SALL3: variants seen among roughly 807,000 people sequenced by gnomAD.
The protein encoded by SALL3 is sal-like protein 3.
A neutral mutation model predicts 66.2 loss-of-function variants in SALL3; 25 were observed. The observed-to-expected ratio is 0.38, with a 90% CI of 0.28 to 0.53. The LOEUF (loss-of-function observed/expected upper bound fraction) is 0.53, where lower values mean the gene tolerates loss of function less well. Ranked by LOEUF, SALL3 falls within the 20% of genes least tolerant of loss-of-function variation. The pLI is 0.85. For synonymous variants in SALL3, 1,152 were observed against 899.1 expected, an observed-to-expected ratio of 1.28 and a Z score of -5.03; for missense variants, 2,194 against 1,916.5, an observed-to-expected ratio of 1.14 and a Z score of -2.70.
At position 78,993,225 on chromosome 18, in the gene SALL3, A is replaced by G. The variant is rs144244101; in HGVS notation, c.1234A>G (p.Ser412Gly). The change falls in exon 2 of 3, where the codon AGC (serine) becomes GGC (glycine). Residue 412 changes from serine to glycine, a missense_variant. Coordinates refer to ENST00000537592, the MANE Select transcript of SALL3 (RefSeq NM_171999.4). The stretch of plus-strand genomic sequence containing the variant: ...TGTGTCGGTGTTCGAGCCCAAAGCC[A>G]GCGCCGAGGACCCGTTCTTCAAGCA... Reference protein sequence around the residue: ...PNVSVFEPKASAEDPFFKHKC... With the variant: ...PNVSVFEPKAGAEDPFFKHKC... The G allele has an allele frequency of 4.2e-5, 67 of 1,611,360 alleles. No homozygotes were observed. In the African/African-American group the frequency reaches 8.1e-4, roughly 20 times the overall value.
chr18:78,994,357 A>G lies in SALL3; in HGVS notation c.2366A>G (p.Asn789Ser), dbSNP rs1332054944. ...TCCGAGCTGGCCTACGACGACAAGAACGCGGAGACCCTGAGCAGCTACGAT... is the reference window on the plus strand; with the variant it reads ...TCCGAGCTGGCCTACGACGACAAGAGCGCGGAGACCCTGAGCAGCTACGAT... ...MDSELAYDDK[N>S]AETLSSYDDD... Residue 789 changes from asparagine to serine, a missense_variant, in exon 2 of 3, where the codon AAC becomes AGC. Asn to Ser is a conservative substitution (Grantham distance 46). Transcript: ENST00000537592. 2 of 1,613,508 alleles carry G rather than the reference A, an allele frequency of 1.2e-6. No homozygotes were observed. Among genetic ancestry groups the G allele is most frequent in the Non-Finnish European group, 1.7e-6 (2 of 1,180,006 alleles).
chr18:78,997,021 C>A lies in SALL3; in HGVS notation c.3602C>A (p.Ala1201Glu). 6.2e-7 allele frequency: 1 copy of A among 1,614,210 alleles called. No individual in the cohort carries two copies. Among genetic ancestry groups the A allele is most frequent in the Non-Finnish European group, 8.5e-7 (1 of 1,180,052 alleles). Reference sequence around the variant, plus strand: ...TCTGAAATGTTCCAGAAGGACCTGGCAGCTCGGGCAATGAACGTCGACCCC... The same window carrying A: ...TCTGAAATGTTCCAGAAGGACCTGGAAGCTCGGGCAATGAACGTCGACCCC... Reference protein sequence around the residue: ...KFSEMFQKDLAARAMNVDPSF... With the variant: ...KFSEMFQKDLEARAMNVDPSF... The change falls in exon 3 of 3, where the codon GCA becomes GAA. Residue 1201 changes from alanine (A) to glutamate (E), a missense_variant. Transcript: ENST00000537592.
Position 78,992,660 on chromosome 18 carries a change from C to T in SALL3, c.669C>T (p.Ile223=), listed in dbSNP as rs756981701. 7 of 1,543,066 alleles carry T rather than the reference C, an allele frequency of 4.5e-6. No homozygotes were observed. The highest frequency in any genetic ancestry group is 2.3e-5 in the South Asian group (2 of 88,328). The change falls in exon 2 of 3, where the codon ATC becomes ATT. Residue 223 remains isoleucine, a synonymous_variant. Coordinates refer to ENST00000537592, the MANE Select transcript of SALL3 (RefSeq NM_171999.4). ...QQQQIHQLQL[I]EQIRSQVALM... is the part of the protein sequence containing the mutation. Reference sequence around the variant, plus strand: ...AGCAGATCCACCAGCTGCAGCTCATCGAGCAGATCCGCAGCCAGGTGGCCC... The same window carrying T: ...AGCAGATCCACCAGCTGCAGCTCATTGAGCAGATCCGCAGCCAGGTGGCCC...
rs1419124363 is a variant in SALL3, at chr18:78,979,844, A to G, written c.-431A>G. ...GAGACGGCGCCGCGCGGACGCCGCC[A>G]AAGTTTGCTGCCTGCGCCCTGCGGA... On this transcript the variant is annotated 5_prime_UTR_variant, in exon 1 of 3. Coordinates refer to ENST00000537592, the MANE Select transcript of SALL3 (RefSeq NM_171999.4). Among the ~76,000 whole-genome samples, 48 of 142,372 alleles carry G rather than the reference A, an allele frequency of 3.4e-4. No individual in the cohort carries two copies. The highest frequency in any genetic ancestry group is 2.4e-3 in the Admixed American group (34 of 14,454). 93.4% of individuals were successfully genotyped at this position (142,372 alleles called of 152,430 possible).
rs181281708 is a variant in SALL3 at position 78,997,568 on chromosome 18, G to T, written c.*246G>T. On this transcript the variant is annotated 3_prime_UTR_variant, in exon 3 of 3. Transcript: ENST00000537592. ...CAAAAAAAAAAGTGCTTGGAAAACC[G>T]CCTTAGGAACAGAAAGAGCTCAGAC... 5.7e-6 allele frequency: 3 copies of T among 530,566 alleles called. No individual in the cohort carries two copies. Among genetic ancestry groups the T allele is most frequent in the East Asian group, 5.8e-5 (2 of 34,194 alleles). 32.9% of individuals were successfully genotyped at this position (530,566 alleles called of 1,614,324 possible).
At chr18:78,996,607 C>T (rs1049051281) in intron 2 of SALL3, among the ~76,000 whole-genome samples, 6 of 152,184 alleles carry the variant, frequency 3.9e-5, no homozygotes, top group Non-Finnish European at 7.3e-5. Flanking sequence ...ACATTCTCTG[C>T]GTGGCCATGT....
At chr18:78,981,236 C>A (rs1006437770) in intron 1 of SALL3, among the ~76,000 whole-genome samples, 5 of 152,144 alleles carry the variant, frequency 3.3e-5, no homozygotes, top group Non-Finnish European at 7.4e-5. Flanking sequence ...GCCCCCACCC[C>A]CTTCGTCGAG....
In SALL3 at chr18:78,994,704, C is replaced by G; in HGVS notation, c.2713C>G (p.Leu905Val). 6.2e-7 allele frequency: 1 copy of G among 1,605,254 alleles called. No individual in the cohort carries two copies. Among genetic ancestry groups the G allele is most frequent in the Non-Finnish European group, 8.5e-7 (1 of 1,179,398 alleles). Reference sequence around the variant, plus strand: ...GTCCGAGTCCTCGTCCTCGCAGGCCCTGTCGCCGGCCCCCAGCAATGGTGA... The same window carrying G: ...GTCCGAGTCCTCGTCCTCGCAGGCCGTGTCGCCGGCCCCCAGCAATGGTGA... ...ALSESSSSQA[L>V]SPAPSNGESF... Residue 905 changes from leucine (L) to valine (V), a missense_variant, in exon 2 of 3, where the codon CTG (leucine) becomes GTG (valine). Physicochemically the swap from Leu to Val is conservative, Grantham distance 32. Coordinates refer to ENST00000537592, the MANE Select transcript of SALL3 (RefSeq NM_171999.4).
At chr18:78,985,166 C>G (rs1250169395) in intron 1 of SALL3, 1 of 152,216 alleles carries the variant, frequency 6.6e-6, no homozygotes, top group Non-Finnish European at 1.5e-5. Flanking sequence ...GCTCATAATA[C>G]AATTAGTGCA....
chr18:78,994,025 G>A lies in SALL3; in HGVS notation c.2034G>A (p.Pro678=), dbSNP rs905955376. Residue 678 remains proline (P), a synonymous_variant, in exon 2 of 3, where the codon CCG becomes CCA. Coordinates refer to ENST00000537592, the MANE Select transcript of SALL3 (RefSeq NM_171999.4). ...ACATCGACAAGAAGATGACGGACCC[G>A]AACCAGTGCGTCATCTGCCACCGGG... ...VENIDKKMTD[P]NQCVICHRVL... 2.0e-5 allele frequency: 33 copies of A among 1,612,464 alleles called. No homozygotes were observed. Among genetic ancestry groups the A allele is most frequent in the Non-Finnish European group, 2.7e-5 (32 of 1,179,856 alleles).
chr18:78,993,057 C>T lies in SALL3; in HGVS notation c.1066C>T (p.Pro356Ser). 5 of 1,588,056 alleles carry T rather than the reference C, an allele frequency of 3.1e-6. No individual in the cohort carries two copies. Among genetic ancestry groups the T allele is most frequent in the Non-Finnish European group, 4.3e-6 (5 of 1,173,274 alleles). ...CCCGGGGTCCCTGCTGGGTGCGGCG[C>T]CCGGCCTGCCAAGTCCGCTTCTACC... The part of the protein sequence containing the change: ...LAPGSLLGAA[P>S]GLPSPLLPQT... Residue 356 changes from proline (P) to serine (S), a missense_variant, in exon 2 of 3, where the codon CCC becomes TCC. Transcript: ENST00000537592.
At chr18:78,983,921 T>C (rs1914155873) in intron 1 of SALL3, among the ~76,000 whole-genome samples, 1 of 152,202 alleles carries the variant, frequency 6.6e-6, no homozygotes. Flanking sequence ...AAAGTGCACG[T>C]TTCTGTGATC....
At chr18:78,991,912 TTAGC>T (rs1914445587) in intron 1 of SALL3, 158 bp from the exon 2 acceptor site, 8 of 507,806 alleles carry the variant, frequency 1.6e-5, no homozygotes. Flanking sequence ...AAGAAAATGA[TTAGC>T]TAGCTAGAAA....
chr18:78,992,601 C>T lies in SALL3; in HGVS notation c.610C>T (p.Leu204=), dbSNP rs1184899701. Residue 204 remains leucine (L), a synonymous_variant, in exon 2 of 3, where the codon CTG becomes TTG. Coordinates refer to ENST00000537592, the MANE Select transcript of SALL3 (RefSeq NM_171999.4). ...AGGCGTGGCAGCTGCAGCCGTGCCC[C>T]TGATCCTGGAACAGCTCATGGCCCT... ...GGGVAAAAVP[L]ILEQLMALQQ... 9 of 1,541,862 alleles carry T rather than the reference C, an allele frequency of 5.8e-6. No individual in the cohort carries two copies. In the African/African-American group the frequency reaches 8.6e-5, roughly 15 times the overall value.
rs1914505276 is a variant in SALL3, at chr18:78,992,870, C to G, written c.879C>G (p.Ser293=). Residue 293 remains serine (S), a synonymous_variant, in exon 2 of 3, where the codon TCC becomes TCG. Coordinates refer to ENST00000537592, the MANE Select transcript of SALL3 (RefSeq NM_171999.4). The stretch of plus-strand genomic sequence containing the variant: ...CCTTCGAGGGCGCGCAGCCGCTGTC[C>G]CGGCCCGAGTCTGGCGCCAGCACCC... ...PAAFEGAQPL[S]RPESGASTPG... 2.8e-5 allele frequency: 28 copies of G among 985,900 alleles called. No homozygotes were observed. Among genetic ancestry groups the G allele is most frequent in the Non-Finnish European group, 2.6e-5 (22 of 831,952 alleles). The allele number at this position is 985,900 out of a possible 1,614,324, so 61.1% of individuals were successfully genotyped here. A position where few individuals can be genotyped will look rare whatever the true frequency, so the allele number is the denominator to read the frequency against.
chr18:78,981,058 G>T (rs979655888), intron 1 of SALL3, among the ~76,000 whole-genome samples: 2 of 152,122 alleles, frequency 1.3e-5, no homozygotes, highest in Non-Finnish European at 2.9e-5. Context: ...CCGTCTTTTT[G>T]GATCCGCCGA....
chr18:78,980,629 C>G (rs1011547909), intron 1 of SALL3, among the ~76,000 whole-genome samples: 1 of 151,696 alleles, frequency 6.6e-6, no homozygotes. Flanking sequence ...AGGCCGCGGC[C>G]GGCTCGAGGA....
chr18:78,990,516 A>T (rs1172262449), intron 1 of SALL3, among the ~76,000 whole-genome samples: 1 of 152,242 alleles, frequency 6.6e-6, no homozygotes, highest in Non-Finnish European at 1.5e-5. Flanking sequence ...TTTTTACAGG[A>T]CATTTTTTTA....
chr18:78,994,761 G>C lies in SALL3; in HGVS notation c.2770G>C (p.Ala924Pro). The change falls in exon 2 of 3, where the codon GCC becomes CCC. Residue 924 changes from alanine to proline, a missense_variant. By Grantham distance (27) the Ala-to-Pro change is conservative (BLOSUM62 -1). Transcript: ENST00000537592. ...SFRSKSPGLGAPEEPQEIPLK... is the reference protein window; with the variant it reads ...SFRSKSPGLGPPEEPQEIPLK... Reference sequence around the variant, plus strand: ...CCGCTCCAAGTCCCCGGGCCTGGGCGCCCCGGAGGAGCCCCAGGAAATCCC... The same window carrying C: ...CCGCTCCAAGTCCCCGGGCCTGGGCCCCCCGGAGGAGCCCCAGGAAATCCC... 6.3e-7 allele frequency: 1 copy of C among 1,599,750 alleles called. No individual in the cohort carries two copies. The highest frequency in any genetic ancestry group is 8.5e-7 in the Non-Finnish European group (1 of 1,177,490).
Sources: gnomAD v4.1 joint callset for allele counts (sites outside exome capture counted in the v4.1 genomes callset) on GRCh38, gnomAD v4.1.1 for gene constraint, MANE v1.5 for transcripts, NCBI Gene and HGNC (gene_info 2026-07-23, HGNC 2026-07-21) for gene names.